ZC3H3: variants seen among roughly 807,000 people sequenced by gnomAD.
The protein encoded by ZC3H3 is zinc finger CCCH-type containing 3.
Under a neutral mutation model 77.3 loss-of-function variants are expected in ZC3H3, and 36 were observed. The ratio of observed to expected loss-of-function variants is 0.47; its 90% CI spans 0.36 to 0.61. The LOEUF (loss-of-function observed/expected upper bound fraction) is 0.61, where lower values mean the gene tolerates loss of function less well. Ranked by LOEUF, ZC3H3 falls within the 20% of genes least tolerant of loss-of-function variation. The pLI is 0.00. For synonymous variants in ZC3H3, 626 were observed against 555.2 expected (o/e 1.13, Z -1.79); for missense variants, 1,331 against 1,312.2 (o/e 1.01, Z -0.22).
chr8:143,439,088 C>G (rs1475601764), intron 11 of ZC3H3, among the ~76,000 whole-genome samples: 8 of 151,846 alleles, frequency 5.3e-5, no homozygotes. Flanking sequence ...CTGGAACTGG[C>G]TGCTAGGTTC....
intron 4 of ZC3H3, among the ~76,000 whole-genome samples, chr8:143,499,686 G>A (rs1423074710): frequency 6.6e-6 from 1 of 152,130 alleles, no homozygotes; most frequent in East Asian, 1.9e-4. Flanking sequence ...GCTCACAGTA[G>A]AGCCAGCACC....
At chr8:143,510,051 G>A (rs1212378717) in intron 3 of ZC3H3, among the ~76,000 whole-genome samples, 14 of 152,214 alleles carry the variant, frequency 9.2e-5, no homozygotes, top group African/African-American at 3.1e-4. Context: ...CCTGGCGGGC[G>A]GCGGCACCAT....
intron 8 of ZC3H3, among the ~76,000 whole-genome samples, chr8:143,467,049 T>G (rs1352369913): frequency 1.3e-5 from 2 of 151,790 alleles, no homozygotes; most frequent in African/African-American, 4.8e-5. Context: ...CAAAGGGTGA[T>G]TTAACGAGCG....
chr8:143,437,678 T>G lies in ZC3H3; in HGVS notation c.*378A>C. The G allele has an allele frequency of 3.2e-6, 1 of 315,066 alleles. No individual in the cohort carries two copies. Among genetic ancestry groups the G allele is most frequent in the South Asian group, 4.0e-5 (1 of 25,308 alleles). The allele number at this position is 315,066 out of a possible 1,614,324, so 19.5% of individuals were successfully genotyped here. ...AACCAGTTACGGATAGAACCTTTAT[T>G]GCTGAACATAAAACACCTGCCTGGG... On this transcript the variant is annotated 3_prime_UTR_variant, in exon 12 of 12. Transcript: ENST00000262577.
chr8:143,468,129 G>A, intron 8 of ZC3H3, 80 bp downstream of exon 8: 2 of 1,516,464 alleles, frequency 1.3e-6, no homozygotes, highest in Non-Finnish European at 1.8e-6. Flanking sequence ...GAAAGCTGTG[G>A]GCACCATCTG....
At chr8:143,446,435 AT>A (rs965666047) in intron 9 of ZC3H3, among the ~76,000 whole-genome samples, 1 of 152,226 alleles carries the variant, frequency 6.6e-6, no homozygotes, top group African/African-American at 2.4e-5. Flanking sequence ...ATGTATTTTT[AT>A]GTTTGTTTAT....
rs144698047 is a variant in ZC3H3 at position 143,476,035 on chromosome 8, G to A, written c.1716-450C>T. Among the ~76,000 whole-genome samples, 596 of 152,314 alleles carry A rather than the reference G, an allele frequency of 3.9e-3. 2 individuals are homozygous for A. The highest frequency in any genetic ancestry group is 9.7e-3 in the South Asian group (47 of 4,826). ...GGCAGAGGGGCTGCAAGGTGTCTGC[G>A]TGTTGGTGAGAAGCACACCTGGCCC... On this transcript the variant is annotated intron_variant, in intron 4 of 11. Coordinates refer to ENST00000262577, the MANE Select transcript of ZC3H3 (RefSeq NM_015117.3).
intron 9 of ZC3H3, among the ~76,000 whole-genome samples, chr8:143,449,391 G>A (rs1338903942): frequency 6.6e-6 from 1 of 152,202 alleles, no homozygotes. Flanking sequence ...GTCAGAAGCA[G>A]CCAGGCTACA....
At chr8:143,489,060 T>C (rs1315136021) in intron 4 of ZC3H3, among the ~76,000 whole-genome samples, 2 of 152,174 alleles carry the variant, frequency 1.3e-5, no homozygotes, top group Non-Finnish European at 2.9e-5. Flanking sequence ...GGACTGTTCA[T>C]CCAGATGAAG....
At chr8:143,473,975 G>C (rs1432271819) in intron 5 of ZC3H3, among the ~76,000 whole-genome samples, 1 of 152,182 alleles carries the variant, frequency 6.6e-6, no homozygotes, top group Non-Finnish European at 1.5e-5. Context: ...CCAAGCTCCA[G>C]AGTCCGAGGA....
intron 9 of ZC3H3, among the ~76,000 whole-genome samples, chr8:143,464,798 C>T (rs928355759): frequency 7.9e-5 from 12 of 152,154 alleles, no homozygotes; most frequent in African/African-American, 2.7e-4. Context: ...GGACAAGGAG[C>T]ATCTCCAGGT....
intron 5 of ZC3H3, 21 bp from the exon 6 acceptor site, chr8:143,468,680 G>C (rs893546003): frequency 1.9e-6 from 3 of 1,544,926 alleles, no homozygotes. Flanking sequence ...GAGAGGCACG[G>C]GTCATAGCAG....
intron 5 of ZC3H3, among the ~76,000 whole-genome samples, chr8:143,469,534 C>G (rs1277055016): frequency 6.6e-6 from 1 of 152,218 alleles, no homozygotes; most frequent in Non-Finnish European, 1.5e-5. Flanking sequence ...TCCTCAAAAC[C>G]CCAAGCATAA....
Position 143,507,866 on chromosome 8 carries a change from G to C in ZC3H3, c.1595C>G (p.Thr532Ser), listed in dbSNP as rs748673759. ...GTAGCGGGTCTTGATCACCTTGCTGGTGGGTGCAGTCCGCACGGCATGCAG... is the reference window on the plus strand; with the variant it reads ...GTAGCGGGTCTTGATCACCTTGCTGCTGGGTGCAGTCCGCACGGCATGCAG... Reference protein sequence around the residue: ...SSLHAVRTAPTSKVIKTRYRI... With the variant: ...SSLHAVRTAPSSKVIKTRYRI... The change falls in exon 4 of 12, where the codon ACC becomes AGC. Residue 532 changes from threonine to serine, a missense_variant. Coordinates refer to ENST00000262577, the MANE Select transcript of ZC3H3 (RefSeq NM_015117.3). 2 of 1,609,398 alleles carry C rather than the reference G, an allele frequency of 1.2e-6. No individual in the cohort carries two copies. The highest frequency in any genetic ancestry group is 1.7e-6 in the Non-Finnish European group (2 of 1,177,812).
rs28583770 is a variant in ZC3H3 at position 143,514,285 on chromosome 8, T to C, written c.1562-6386A>G. The stretch of plus-strand genomic sequence containing the variant: ...GAGACTGCCCTCTCTCCCAGGAGCC[T>C]CAGGCCGTGTGTCCCCACCACTCCC... On this transcript the variant is annotated intron_variant, in intron 3 of 11. Coordinates refer to ENST00000262577, the MANE Select transcript of ZC3H3 (RefSeq NM_015117.3). Among the ~76,000 whole-genome samples the C allele has an allele frequency of 2.1e-3, 314 of 152,108 alleles. 3 individuals are homozygous for C. The highest frequency in any genetic ancestry group is 5.0e-3 in the African/African-American group (206 of 41,486).
chr8:143,519,767 C>G (rs1010088645), intron 3 of ZC3H3, among the ~76,000 whole-genome samples: 1 of 152,202 alleles, frequency 6.6e-6, no homozygotes, highest in African/African-American at 2.4e-5. Context: ...GACCCCAGGG[C>G]AGCCAAGGCC....
intron 4 of ZC3H3, among the ~76,000 whole-genome samples, chr8:143,492,054 C>T (rs1019807540): frequency 6.6e-6 from 1 of 152,196 alleles, no homozygotes; most frequent in African/African-American, 2.4e-5. Flanking sequence ...AGAAAGAGGG[C>T]ACACTACAGA....
At chr8:143,450,613 C>T (rs1195644008) in intron 9 of ZC3H3, among the ~76,000 whole-genome samples, 3 of 152,148 alleles carry the variant, frequency 2.0e-5, no homozygotes, top group Non-Finnish European at 2.9e-5. Context: ...AAAGGGGAGG[C>T]GAGGCACTTC....
At chr8:143,514,682 A>G (rs1490680463) in intron 3 of ZC3H3, among the ~76,000 whole-genome samples, 1 of 152,158 alleles carries the variant, frequency 6.6e-6, no homozygotes, top group Non-Finnish European at 1.5e-5. Flanking sequence ...GAGCCAGGCC[A>G]TGCAGTTCAA....
Sources: allele counts gnomAD v4.1 joint callset (sites outside exome capture counted in the v4.1 genomes callset), GRCh38; gene constraint gnomAD v4.1.1; transcripts MANE v1.5; gene names NCBI Gene and HGNC (gene_info 2026-07-23, HGNC 2026-07-21).